Variants in TGM5 observed in about 807,000 individuals in gnomAD.
TGM5 encodes the protein protein-glutamine gamma-glutamyltransferase 5.
A neutral mutation model predicts 77.2 loss-of-function variants in TGM5; 69 were observed. That is an observed-to-expected ratio of 0.89 (90% CI 0.74 to 1.09). The LOEUF is 1.09. TGM5 is among the 50% of genes least tolerant of loss of function. The pLI is 0.00. For synonymous variants in TGM5, 346 were observed against 351.8 expected, an observed-to-expected ratio of 0.98 and a Z score of 0.18; for missense variants, 842 against 896.5, an observed-to-expected ratio of 0.94 and a Z score of 0.78.
At chr15:43,254,208 C>T (rs750484855) in intron 4 of TGM5, among the ~76,000 whole-genome samples, 2 of 152,336 alleles carry the variant, frequency 1.3e-5, no homozygotes, top group Non-Finnish European at 2.9e-5. Flanking sequence ...AGGCCTTCCC[C>T]GAGCCTGAGC....
At chr15:43,238,281 G>A (rs547025197) in intron 9 of TGM5, among the ~76,000 whole-genome samples, 10 of 152,194 alleles carry the variant, frequency 6.6e-5, no homozygotes, top group Non-Finnish European at 1.3e-4. Flanking sequence ...AGTGGCTGGC[G>A]CTTCTCAATG....
intron 6 of TGM5, among the ~76,000 whole-genome samples, chr15:43,250,450 C>T (rs116452885): frequency 0.01 from 1,584 of 152,316 alleles, 37 homozygotes; most frequent in African/African-American, 0.037. Context: ...TGCAACCTCA[C>T]GCATCTTGCC....
chr15:43,260,095 G>A lies in TGM5; in HGVS notation c.393C>T (p.Tyr131=). 2.5e-6 allele frequency: 4 copies of A among 1,614,140 alleles called. No individual in the cohort carries two copies. Among genetic ancestry groups the A allele is most frequent in the Non-Finnish European group, 3.4e-6 (4 of 1,180,038 alleles). Residue 131 remains tyrosine, a synonymous_variant, in exon 3 of 13, where the codon TAC becomes TAT. Coordinates refer to ENST00000220420, the MANE Select transcript of TGM5 (RefSeq NM_201631.4). ...IDSFQGSVTA[Y]QLGEFILLFN... ...AAAGCAGGATGAACTCCCCTAGCTG[G>A]TAGGCCGTCACAGACCCCTGGAAGG...
intron 3 of TGM5, 36 bp downstream of exon 3, chr15:43,260,016 G>A (rs367643082): frequency 6.2e-7 from 1 of 1,612,018 alleles, no homozygotes; most frequent in Non-Finnish European, 8.5e-7. Context: ...ACTGACAGAA[G>A]AGAAAGGAGG....
chr15:43,235,117 G>T (rs1022498079), intron 10 of TGM5, among the ~76,000 whole-genome samples, 188 bp from the exon 11 acceptor site: 1 of 152,182 alleles, frequency 6.6e-6, no homozygotes, highest in Non-Finnish European at 1.5e-5. Context: ...AGGCCATTCT[G>T]CTAGGAAATG....
At chr15:43,262,250 A>G (rs188530776) in intron 1 of TGM5, among the ~76,000 whole-genome samples, 30 of 152,358 alleles carry the variant, frequency 2.0e-4, no homozygotes, top group Non-Finnish European at 3.5e-4. Flanking sequence ...AAGTTAATTT[A>G]CATGACCGGT....
At chr15:43,247,302 G>A (rs952199549) in intron 6 of TGM5, among the ~76,000 whole-genome samples, 2 of 151,762 alleles carry the variant, frequency 1.3e-5, no homozygotes, top group Non-Finnish European at 2.9e-5. Flanking sequence ...AAATGGGCAA[G>A]CATGCAAAGA....
At chr15:43,241,299 A>C (rs1242141975) in intron 6 of TGM5, 3 of 439,014 alleles carry the variant, frequency 6.8e-6, no homozygotes, top group African/African-American at 2.0e-5. Flanking sequence ...TTCCTTTGGC[A>C]AAACTCAGAG....
intron 6 of TGM5, 66 bp from the exon 7 acceptor site, chr15:43,241,056 T>G (rs1380058479): frequency 3.7e-6 from 6 of 1,605,912 alleles, no homozygotes; most frequent in Admixed American, 3.3e-5. Context: ...TTCCTGGACT[T>G]TGGGGCCTGG....
Position 43,266,842 on chromosome 15 carries a change from T to C in TGM5, c.8A>G (p.Gln3Arg). 4.3e-6 allele frequency: 7 copies of C among 1,614,172 alleles called. No individual in the cohort carries two copies. The highest frequency in any genetic ancestry group is 5.1e-6 in the Non-Finnish European group (6 of 1,180,030). Residue 3 changes from glutamine to arginine, a missense_variant and splice_region_variant, in exon 1 of 13, where the codon CAA (glutamine) becomes CGA (arginine). Physicochemically the swap from Gln to Arg is conservative, Grantham distance 43 (BLOSUM62 1). This residue lies in a region of TGM5 where 815 missense variants were observed against 844.6 expected (regional missense o/e 0.96). Coordinates refer to ENST00000220420, the MANE Select transcript of TGM5 (RefSeq NM_201631.4). The part of the protein sequence containing the change: MA[Q>R]GLEVALTDLQ... The stretch of plus-strand genomic sequence containing the variant: ...GTGGCCACAGGGGCTTTCCCTACCT[T>C]GGGCCATGGTAGCTGCCTCCGGTTC...
intron 6 of TGM5, among the ~76,000 whole-genome samples, chr15:43,242,700 G>C (rs2042645094): frequency 6.6e-6 from 1 of 152,242 alleles, no homozygotes; most frequent in Admixed American, 6.5e-5. Context: ...AGCCCAAAGG[G>C]AGCCTTGAGC....
intron 6 of TGM5, among the ~76,000 whole-genome samples, chr15:43,247,014 C>T (rs866488810): frequency 4.6e-5 from 7 of 152,064 alleles, no homozygotes; most frequent in African/African-American, 1.2e-4. Flanking sequence ...AAAAATTAGC[C>T]GGGCGTGGTG....
intron 6 of TGM5, among the ~76,000 whole-genome samples, chr15:43,248,601 C>G (rs543741838): frequency 1.8e-4 from 27 of 152,308 alleles, no homozygotes; most frequent in Admixed American, 7.8e-4. Context: ...TCTATCTACT[C>G]TCCATGTATT....
intron 6 of TGM5, among the ~76,000 whole-genome samples, chr15:43,249,433 C>T (rs542495740): frequency 6.6e-6 from 1 of 152,336 alleles, no homozygotes; most frequent in African/African-American, 2.4e-5. Flanking sequence ...CAACTATCCC[C>T]TCCTCCCAGC....
In TGM5 at chr15:43,233,360, G is replaced by C. The variant is rs372214056; in HGVS notation, c.2010-16C>G. The C allele has an allele frequency of 4.3e-6, 7 of 1,612,888 alleles. No homozygotes were observed. The highest frequency in any genetic ancestry group is 5.9e-6 in the Non-Finnish European group (7 of 1,180,038). ...GACTCCAAGGCTGCAACAGAGAATGGAGCATGTCAGAAAACCAAAAGCATG... is the reference window on the plus strand; with the variant it reads ...GACTCCAAGGCTGCAACAGAGAATGCAGCATGTCAGAAAACCAAAAGCATG... On this transcript the variant is annotated splice_polypyrimidine_tract_variant and intron_variant, in intron 12 of 12. Transcript: ENST00000220420.
At chr15:43,264,563 G>A (rs1481052849) in intron 1 of TGM5, among the ~76,000 whole-genome samples, 1 of 152,096 alleles carries the variant, frequency 6.6e-6, no homozygotes, top group East Asian at 1.9e-4. Context: ...TCCAGAATAG[G>A]CAAATTCATA....
At chr15:43,261,968 C>G (rs775437247) in intron 1 of TGM5, among the ~76,000 whole-genome samples, 1 of 152,208 alleles carries the variant, frequency 6.6e-6, no homozygotes, top group Non-Finnish European at 1.5e-5. Context: ...CTTGACACAG[C>G]TCTTCATACT....
intron 1 of TGM5, among the ~76,000 whole-genome samples, chr15:43,261,097 T>TTTTTTTTTTGTTTTTTG (rs2042787414): frequency 1.0e-5 from 1 of 97,422 alleles, no homozygotes; most frequent in African/African-American, 5.1e-5. Flanking sequence ...TTTTTTTTTT[T>TTTTTTTTTTGTTTTTTG]TTTTTTTTTT....
At position 43,235,591 on chromosome 15, in the gene TGM5, T is replaced by C; in HGVS notation, c.1592A>G (p.Asn531Ser). The change falls in exon 10 of 13, where the codon AAC becomes AGC. Residue 531 changes from asparagine (N) to serine (S), a missense_variant. By Grantham distance (46) the Asn-to-Ser change is conservative. This residue lies in a region of TGM5 where 815 missense variants were observed against 844.6 expected (regional missense o/e 0.96). Coordinates refer to ENST00000220420, the MANE Select transcript of TGM5 (RefSeq NM_201631.4). ...QDICFVLLAL[N>S]MSSQFKDLKV... ...GAGGTCCTTGAACTGGGAGGACATG[T>C]TGAGGGCCAGCAGGACAAAGCATAT... The C allele has an allele frequency of 6.2e-7, 1 of 1,614,114 alleles. No individual in the cohort carries two copies.
Sources: allele counts gnomAD v4.1 joint callset (sites outside exome capture counted in the v4.1 genomes callset), GRCh38; gene constraint gnomAD v4.1.1; regional missense constraint gnomAD v4.1.1; transcripts MANE v1.5; gene names NCBI Gene and HGNC (gene_info 2026-07-23, HGNC 2026-07-21).